DDTL: variants seen among roughly 807,000 people sequenced by gnomAD.
DDTL encodes D-dopachrome tautomerase like.
A neutral mutation model predicts 1.1 loss-of-function variants in DDTL; 1 was observed. The observed-to-expected ratio is 0.91, with a 90% CI of 0.32 to 4.31. The LOEUF (loss-of-function observed/expected upper bound fraction) is 4.31, where lower values mean the gene tolerates loss of function less well. Ranked by LOEUF, DDTL falls within the 30% of genes most tolerant of loss-of-function variation. The pLI, the probability that DDTL is intolerant of heterozygous loss-of-function variation, is 0.17. For synonymous variants in DDTL, 21 were observed against 16.6 expected, an observed-to-expected ratio of 1.26 and a Z score of -0.64; for missense variants, 54 against 48.9, an observed-to-expected ratio of 1.10 and a Z score of -0.31.
At chr22:23,969,183 A>T in intron 2 of DDTL, 1 of 985,404 alleles carries the variant, frequency 1.0e-6, no homozygotes, top group South Asian at 4.7e-5. Flanking sequence ...TTTTATGATG[A>T]GAAGACTAAG....
chr22:23,971,441 T>C lies in DDTL; in HGVS notation c.*35T>C, dbSNP rs2033899309. On this transcript the variant is annotated 3_prime_UTR_variant, in exon 3 of 3. Coordinates refer to ENST00000215770, the MANE Select transcript of DDTL (RefSeq NM_001084393.2). ...AGAGGATTATGTGATCACAGGAATG[T>C]TGCATGCGGGATAATCCAAAGCTGG... is the stretch of plus-strand genomic sequence containing the variant. 2 of 1,609,804 alleles carry C rather than the reference T, an allele frequency of 1.2e-6. No individual in the cohort carries two copies. Among genetic ancestry groups the C allele is most frequent in the Non-Finnish European group, 1.7e-6 (2 of 1,177,258 alleles).
chr22:23,971,273 C>T lies in DDTL; in HGVS notation c.285-13C>T. On this transcript the variant is annotated splice_polypyrimidine_tract_variant and intron_variant, in intron 2 of 2. Transcript: ENST00000215770. ...AGCCCCAGATCTGAGCAGTCTAAAT[C>T]ATCCCCCTCCAGGTTCCCTACGGTC... 1 of 1,607,210 alleles carries T rather than the reference C, an allele frequency of 6.2e-7. No individual in the cohort carries two copies. The highest frequency in any genetic ancestry group is 8.5e-7 in the Non-Finnish European group (1 of 1,177,196).
Position 23,971,496 on chromosome 22 carries a change from ATC to A in DDTL, c.*96_*97del. The A allele has an allele frequency of 6.2e-7, 1 of 1,609,868 alleles. No individual in the cohort carries two copies. The highest frequency in any genetic ancestry group is 8.5e-7 in the Non-Finnish European group (1 of 1,177,194). On this transcript the variant is annotated 3_prime_UTR_variant, in exon 3 of 3. Coordinates refer to ENST00000215770, the MANE Select transcript of DDTL (RefSeq NM_001084393.2). ...CTCCAGGCCCTCACTCTGCCAAGAG[ATC>A]TCTCTGGAAGAAGCAGCCAGTTCAC...
At position 23,969,442 on chromosome 22, in the gene DDTL, C is replaced by T. The variant is rs1292597276; in HGVS notation, c.285-1844C>T. 8 of 986,396 alleles carry T rather than the reference C, an allele frequency of 8.1e-6. No individual in the cohort carries two copies. The African/African-American group carries it at 1.2e-4, about 15-fold the overall frequency. The allele number at this position is 986,396 out of a possible 1,614,324, so 61.1% of individuals were successfully genotyped here. On this transcript the variant is annotated intron_variant, in intron 2 of 2. Coordinates refer to ENST00000215770, the MANE Select transcript of DDTL (RefSeq NM_001084393.2). ...GACAGAGATGATGGAGTGTGCAGCA[C>T]ACACGATGAGGCTACTGTGTTGAGT...
In DDTL at chr22:23,971,603, G is replaced by A. The variant is rs778243746; in HGVS notation, c.*197G>A. 4.3e-5 allele frequency: 70 copies of A among 1,613,846 alleles called. 1 individual carries two copies. The highest frequency in any genetic ancestry group is 5.8e-5 in the Non-Finnish European group (69 of 1,179,940). ...CTTGCCAATCTGCCAGGACTCCAAG[G>A]GGAAAAAGCGGATAAGTATCCTTCA... On this transcript the variant is annotated 3_prime_UTR_variant, in exon 3 of 3. Transcript: ENST00000215770.
At position 23,971,502 on chromosome 22, in the gene DDTL, C is replaced by G; in HGVS notation, c.*96C>G. On this transcript the variant is annotated 3_prime_UTR_variant, in exon 3 of 3. Coordinates refer to ENST00000215770, the MANE Select transcript of DDTL (RefSeq NM_001084393.2). ...GCCCTCACTCTGCCAAGAGATCTCT[C>G]TGGAAGAAGCAGCCAGTTCACAGAT... 6.2e-7 allele frequency: 1 copy of G among 1,610,920 alleles called. No homozygotes were observed. Among genetic ancestry groups the G allele is most frequent in the East Asian group, 2.2e-5 (1 of 44,846 alleles).
Position 23,969,394 on chromosome 22 carries a change from G to A in DDTL, c.284+1833G>A, listed in dbSNP as rs576894214. On this transcript the variant is annotated intron_variant, in intron 2 of 2. Coordinates refer to ENST00000215770, the MANE Select transcript of DDTL (RefSeq NM_001084393.2). ...GGGAGTCTGCAATTAGGAGGAGGCA[G>A]ATTGCCCCTCAGCCCACAGACTGAC... is the stretch of plus-strand genomic sequence containing the variant. The A allele has an allele frequency of 7.1e-6, 7 of 983,540 alleles. No individual in the cohort carries two copies. In the East Asian group the frequency reaches 5.6e-4, roughly 78 times the overall value. 60.9% of individuals were successfully genotyped at this position (983,540 alleles called of 1,614,324 possible).
intron 2 of DDTL, among the ~76,000 whole-genome samples, chr22:23,970,440 C>G (rs57389743): frequency 0.092 from 14,013 of 151,658 alleles, 623 homozygotes; most frequent in Non-Finnish European, 0.099. Context: ...AATTGTGTGC[C>G]TGTGTGTGAC....
chr22:23,971,483 A>T lies in DDTL; in HGVS notation c.*77A>T. On this transcript the variant is annotated 3_prime_UTR_variant, in exon 3 of 3. Coordinates refer to ENST00000215770, the MANE Select transcript of DDTL (RefSeq NM_001084393.2). The stretch of plus-strand genomic sequence containing the variant: ...CAAAGCTGGTTATCTCCAGGCCCTC[A>T]CTCTGCCAAGAGATCTCTCTGGAAG... 6.2e-7 allele frequency: 1 copy of T among 1,608,430 alleles called. No homozygotes were observed. The highest frequency in any genetic ancestry group is 1.1e-5 in the South Asian group (1 of 90,592).
chr22:23,971,707 G>A lies in DDTL; in HGVS notation c.*301G>A. On this transcript the variant is annotated 3_prime_UTR_variant, in exon 3 of 3. Coordinates refer to ENST00000215770, the MANE Select transcript of DDTL (RefSeq NM_001084393.2). ...GACCCCTGCCAGGTACTCCCACTGTGGGTACTCAGGACAGCCTGCCTCAGT... is the reference window on the plus strand; with the variant it reads ...GACCCCTGCCAGGTACTCCCACTGTAGGTACTCAGGACAGCCTGCCTCAGT... The A allele has an allele frequency of 7.8e-7, 1 of 1,276,844 alleles. No individual in the cohort carries two copies. Among genetic ancestry groups the A allele is most frequent in the East Asian group, 2.4e-5 (1 of 41,284 alleles). 79.1% of individuals were successfully genotyped at this position (1,276,844 alleles called of 1,614,324 possible).
At chr22:23,970,228 T>C (rs915951548) in intron 2 of DDTL, among the ~76,000 whole-genome samples, 2 of 151,440 alleles carry the variant, frequency 1.3e-5, no homozygotes, top group Non-Finnish European at 2.9e-5. Context: ...CTGAATTGCC[T>C]GTGTGGTGCG....
At chr22:23,970,314 TGTGA>T (rs1412167256) in intron 2 of DDTL, among the ~76,000 whole-genome samples, 3 of 152,038 alleles carry the variant, frequency 2.0e-5, no homozygotes, top group African/African-American at 7.3e-5. Flanking sequence ...ATGTGTGTGA[TGTGA>T]GTGAACTGTG....
Position 23,971,720 on chromosome 22 carries a change from A to T in DDTL, c.*314A>T. The T allele has an allele frequency of 9.2e-7, 1 of 1,086,550 alleles. No individual in the cohort carries two copies. The highest frequency in any genetic ancestry group is 1.3e-6 in the Non-Finnish European group (1 of 750,326). 67.3% of individuals were successfully genotyped at this position (1,086,550 alleles called of 1,614,324 possible). ...TACTCCCACTGTGGGTACTCAGGAC[A>T]GCCTGCCTCAGTCCACCAGGCATTT... On this transcript the variant is annotated 3_prime_UTR_variant, in exon 3 of 3. Coordinates refer to ENST00000215770, the MANE Select transcript of DDTL (RefSeq NM_001084393.2).
At chr22:23,971,237 C>A (rs1301968901) in intron 2 of DDTL, 49 bp from the exon 3 acceptor site, 3 of 1,560,868 alleles carry the variant, frequency 1.9e-6, no homozygotes, top group Non-Finnish European at 2.6e-6. Flanking sequence ...AGCCTCCAGG[C>A]TGAGTCTCCC....
At chr22:23,969,582 G>C in intron 2 of DDTL, 1 of 965,480 alleles carries the variant, frequency 1.0e-6, no homozygotes, top group Non-Finnish European at 1.2e-6. Flanking sequence ...TTTGCAAAAT[G>C]GGCTGAGGTG....
intron 2 of DDTL, 114 bp from the exon 3 acceptor site, chr22:23,971,172 G>A: frequency 1.3e-6 from 2 of 1,481,700 alleles, no homozygotes; most frequent in South Asian, 1.4e-5. Context: ...GAAGGCCCCA[G>A]CTGGACCAGC....
chr22:23,970,550 A>C (rs897516801), intron 2 of DDTL, among the ~76,000 whole-genome samples: 1 of 151,300 alleles, frequency 6.6e-6, no homozygotes, highest in African/African-American at 2.4e-5. Flanking sequence ...GATTTGGTCT[A>C]TATGTGTGAA....
In DDTL at chr22:23,971,268, T is replaced by TAAACATAAGACAGCAGCCCTGAAGATGG; in HGVS notation, c.285-15_285-14insCATAAGACAGCAGCCCTGAAGATGGAAA. On this transcript the variant is annotated splice_polypyrimidine_tract_variant and intron_variant, in intron 2 of 2. Coordinates refer to ENST00000215770, the MANE Select transcript of DDTL (RefSeq NM_001084393.2). ...CTCCCAGCCCCAGATCTGAGCAGTC[T>TAAACATAAGACAGCAGCCCTGAAGATGG]AAATCATCCCCCTCCAGGTTCCCTA... 6.2e-7 allele frequency: 1 copy of TAAACATAAGACAGCAGCCCTGAAGATGG among 1,606,556 alleles called. No homozygotes were observed. Among genetic ancestry groups the TAAACATAAGACAGCAGCCCTGAAGATGG allele is most frequent in the South Asian group, 1.1e-5 (1 of 90,216 alleles).
chr22:23,969,544 G>C (rs1004285833), intron 2 of DDTL: 1 of 985,522 alleles, frequency 1.0e-6, no homozygotes, highest in African/African-American at 1.7e-5. Context: ...CTGGGGGTTG[G>C]GGAATGCTCA....
Sources: gnomAD v4.1 joint callset for allele counts (sites outside exome capture counted in the v4.1 genomes callset) on GRCh38, gnomAD v4.1.1 for gene constraint, MANE v1.5 for transcripts, NCBI Gene and HGNC (gene_info 2026-07-23, HGNC 2026-07-21) for gene names.